Variants in PTPRT observed in about 807,000 individuals in gnomAD.
PTPRT encodes the protein protein tyrosine phosphatase receptor type T.
PTPRT carries 56 observed loss-of-function variants against 176.8 expected under a neutral mutation model. The ratio of observed to expected loss-of-function variants is 0.32; its 90% CI spans 0.26 to 0.40. PTPRT has a LOEUF of 0.40. Among genes scored for constraint, PTPRT ranks in the 10% least tolerant of loss-of-function variants. The pLI, the probability that PTPRT is intolerant of heterozygous loss-of-function variation, is 1.00. For missense variants in PTPRT, 1,540 were observed against 1,908.2 expected, an observed-to-expected ratio of 0.81 and a Z score of 3.60; for synonymous variants, 783 against 739.0, an observed-to-expected ratio of 1.06 and a Z score of -0.96.
the PTPRT span, among the ~76,000 whole-genome samples, chr20:42,033,475 C>G: frequency 6.6e-6 from 1 of 152,140 alleles, no homozygotes; most frequent in Non-Finnish European, 1.5e-5. Context: ...CTTTGTGGAG[C>G]TGCCATACTT....
intron 7 of PTPRT, among the ~76,000 whole-genome samples, chr20:42,661,263 T>C (rs16987202): frequency 0.078 from 11,827 of 152,216 alleles, 515 homozygotes; most frequent in South Asian, 0.16. Flanking sequence ...ATGAGTTAAC[T>C]AGTTCACACA....
chr20:42,407,237 T>C (rs974538400), intron 9 of PTPRT, among the ~76,000 whole-genome samples: 1 of 152,198 alleles, frequency 6.6e-6, no homozygotes. Context: ...TTGCAGCTGA[T>C]TGAGGGGCCA....
chr20:42,152,410 T>C (rs953344034), intron 17 of PTPRT, among the ~76,000 whole-genome samples: 1 of 152,240 alleles, frequency 6.6e-6, no homozygotes, highest in Middle Eastern at 3.2e-3. Flanking sequence ...TGAGTTCTGC[T>C]GGTGAAGCTA....
chr20:42,078,027 T>C lies in PTPRT; in HGVS notation c.*2852A>G, dbSNP rs2146071038. 5.3e-6 allele frequency: 1 copy of C among 188,114 alleles called. No homozygotes were observed. The highest frequency in any genetic ancestry group is 2.0e-4 in the South Asian group (1 of 5,120). The allele number at this position is 188,114 out of a possible 1,614,324, so 11.7% of individuals were successfully genotyped here. A position where few individuals can be genotyped will look rare whatever the true frequency, so the allele number is the denominator to read the frequency against. Reference sequence around the variant, plus strand: ...AGAAAATAGCATACAGCAGGCAGATTTGCCATGCTACAGGCTCCTTGCAGG... The same window carrying C: ...AGAAAATAGCATACAGCAGGCAGATCTGCCATGCTACAGGCTCCTTGCAGG... On this transcript the variant is annotated 3_prime_UTR_variant, in exon 31 of 31. Transcript: ENST00000373187.
chr20:42,084,630 T>A, intron 29 of PTPRT, 52 bp downstream of exon 29: 1 of 1,341,428 alleles, frequency 7.5e-7, no homozygotes. Context: ...TCTGCAAGGA[T>A]GCTCTATCAC....
chr20:43,062,497 G>A (rs971364287), intron 1 of PTPRT, among the ~76,000 whole-genome samples: 1 of 152,166 alleles, frequency 6.6e-6, no homozygotes. Flanking sequence ...CTGAGTAACA[G>A]CTTCAATTCT....
At chr20:42,161,687 T>G in intron 16 of PTPRT, 145 bp from the exon 17 acceptor site, 1 of 744,090 alleles carries the variant, frequency 1.3e-6, no homozygotes, top group Non-Finnish European at 2.1e-6. Flanking sequence ...GGATTGGAGA[T>G]ACACTCCTTC....
chr20:42,581,602 C>G, intron 7 of PTPRT, among the ~76,000 whole-genome samples: 1 of 149,900 alleles, frequency 6.7e-6, no homozygotes, highest in East Asian at 2.0e-4. Context: ...TTTTTTTAAA[C>G]ATTACTCCAT....
rs765232923 is a variant in PTPRT at position 42,084,687 on chromosome 20, G to A, written c.4131C>T (p.His1377=). 7 of 1,520,370 alleles carry A rather than the reference G, an allele frequency of 4.6e-6. No individual in the cohort carries two copies. The highest frequency in any genetic ancestry group is 1.8e-6 in the Non-Finnish European group (2 of 1,125,890). 94.2% of individuals were successfully genotyped at this position (1,520,370 alleles called of 1,614,324 possible). ...GACACCTCCCTAGTACTCACAGGCA[G>A]TGGACCACAGTACGTCCCTCCCTCC... ...YDGREGRTVV[H]CLNGGGRSGT... is the part of the protein sequence containing the mutation. The change falls in exon 29 of 31, where the codon CAC becomes CAT. Residue 1377 remains histidine (H), a synonymous_variant. Transcript: ENST00000373187.
At chr20:42,343,327 C>T (rs964458925) in intron 11 of PTPRT, among the ~76,000 whole-genome samples, 1 of 152,188 alleles carries the variant, frequency 6.6e-6, no homozygotes. Context: ...CACCACTTTC[C>T]ATCCCACGAA....
chr20:42,836,462 A>C (rs1236172866), intron 2 of PTPRT, among the ~76,000 whole-genome samples: 3 of 152,166 alleles, frequency 2.0e-5, no homozygotes, highest in Non-Finnish European at 4.4e-5. Context: ...GCTGATCCTC[A>C]TGACTCCTTA....
chr20:42,929,046 T>C (rs1052790736), intron 1 of PTPRT, among the ~76,000 whole-genome samples: 2 of 152,226 alleles, frequency 1.3e-5, no homozygotes, highest in African/African-American at 2.4e-5. Flanking sequence ...TTTGGCAAGA[T>C]GGCAGCAGAG....
intron 7 of PTPRT, among the ~76,000 whole-genome samples, chr20:42,672,268 T>C (rs2075426101): frequency 6.6e-6 from 1 of 152,154 alleles, no homozygotes; most frequent in African/African-American, 2.4e-5. Context: ...AGGCAGAACA[T>C]GTAAAGACTA....
At chr20:42,985,862 G>T (rs1350723383) in intron 1 of PTPRT, among the ~76,000 whole-genome samples, 5 of 152,100 alleles carry the variant, frequency 3.3e-5, no homozygotes, top group Non-Finnish European at 7.4e-5. Flanking sequence ...CAAGGTGAAG[G>T]TACGCCTCCC....
chr20:42,146,925 C>T (rs1168056625), intron 17 of PTPRT, among the ~76,000 whole-genome samples: 1 of 152,126 alleles, frequency 6.6e-6, no homozygotes, highest in African/African-American at 2.4e-5. Context: ...AATTCCCTTC[C>T]ACCTGAGTCC....
chr20:42,619,366 C>G (rs1194229650), intron 7 of PTPRT, among the ~76,000 whole-genome samples: 1 of 128,300 alleles, frequency 7.8e-6, no homozygotes, highest in Non-Finnish European at 1.6e-5. Flanking sequence ...CTCTGGCTGC[C>G]CTTAACATTT....
chr20:42,693,399 A>T (rs1365903500), intron 6 of PTPRT, among the ~76,000 whole-genome samples: 3 of 152,218 alleles, frequency 2.0e-5, no homozygotes, highest in Non-Finnish European at 4.4e-5. Context: ...GGAATATTCA[A>T]AGCAATATTT....
At chr20:42,057,711 G>A in the PTPRT span, among the ~76,000 whole-genome samples, 1 of 151,974 alleles carries the variant, frequency 6.6e-6, no homozygotes, top group Non-Finnish European at 1.5e-5. Flanking sequence ...ACCCTAGCCT[G>A]CTGAGTAGCT....
intron 3 of PTPRT, among the ~76,000 whole-genome samples, chr20:42,789,065 T>G (rs150137033): frequency 3.6e-4 from 55 of 152,360 alleles, no homozygotes; most frequent in Admixed American, 7.2e-4. Flanking sequence ...CTTGTGTATA[T>G]GTATCCACTT....
Sources: allele counts gnomAD v4.1 joint callset (sites outside exome capture counted in the v4.1 genomes callset), GRCh38; gene constraint gnomAD v4.1.1; transcripts MANE v1.5; gene names NCBI Gene and HGNC (gene_info 2026-07-23, HGNC 2026-07-21).